Variants in GFPT1 observed in about 807,000 individuals in gnomAD.
GFPT1 encodes the protein glutamine--fructose-6-phosphate transaminase 1.
A neutral mutation model predicts 92.0 loss-of-function variants in GFPT1; 40 were observed. The ratio of observed to expected loss-of-function variants is 0.43; its 90% CI spans 0.34 to 0.57. GFPT1 has a LOEUF of 0.57. Among genes scored for constraint, GFPT1 ranks in the 20% least tolerant of loss-of-function variants. The pLI is 0.02. For synonymous variants in GFPT1, 269 were observed against 280.6 expected, an observed-to-expected ratio of 0.96 and a Z score of 0.41; for missense variants, 448 against 869.1, an observed-to-expected ratio of 0.52 and a Z score of 6.09.
chr2:69,387,069 CATG>C lies in GFPT1; in HGVS notation c.-1_2del. ...CCCCGCTCCCGGCCCCCTTACCACA[CATG>C]ATGCCGGAGACACGGCCCGCGAGGC... On this transcript the variant is annotated start_lost and start_retained_variant and 5_prime_UTR_variant, in exon 1 of 20. Transcript: ENST00000357308. The C allele has an allele frequency of 6.5e-7, 1 of 1,537,798 alleles. No individual in the cohort carries two copies. Among genetic ancestry groups the C allele is most frequent in the Non-Finnish European group, 8.7e-7 (1 of 1,146,456 alleles).
intron 13 of GFPT1, among the ~76,000 whole-genome samples, chr2:69,340,612 T>C (rs1442789334): frequency 1.3e-5 from 2 of 152,084 alleles, no homozygotes; most frequent in African/African-American, 4.8e-5. Context: ...TAAGAATGAT[T>C]AGAGTGTAGT....
At position 69,338,587 on chromosome 2, in the gene GFPT1, G is replaced by A. The variant is rs754717198; in HGVS notation, c.1204-22C>T. On this transcript the variant is annotated intron_variant, in intron 13 of 19. Transcript: ENST00000357308. The stretch of plus-strand genomic sequence containing the variant: ...GTGTCTGCAGAGAAAATATGACTTG[G>A]TCACAGAACTTTCCTTCAAATACTC... The A allele has an allele frequency of 3.1e-6, 5 of 1,613,164 alleles. No individual in the cohort carries two copies. In the East Asian group the frequency reaches 1.1e-4, roughly 36 times the overall value.
At chr2:69,349,643 T>C in intron 10 of GFPT1, among the ~76,000 whole-genome samples, 1 of 152,184 alleles carries the variant, frequency 6.6e-6, no homozygotes, top group East Asian at 1.9e-4. Context: ...TTTATAAAAA[T>C]GATTATGCTG....
rs1425063812 is a variant in GFPT1, at chr2:69,320,497, A to G, written c.*5692T>C. On this transcript the variant is annotated 3_prime_UTR_variant, in exon 20 of 20. Coordinates refer to ENST00000357308, the MANE Select transcript of GFPT1 (RefSeq NM_001244710.2). ...GGGTATACAATACCTGTCAAATTTG[A>G]TATGTCTGGGCAGGACACGGTGACT... is the stretch of plus-strand genomic sequence containing the variant. 1 of 152,226 alleles carries G rather than the reference A, an allele frequency of 6.6e-6. No individual in the cohort carries two copies. The highest frequency in any genetic ancestry group is 1.5e-5 in the Non-Finnish European group (1 of 68,070). 9.4% of individuals were successfully genotyped at this position (152,226 alleles called of 1,614,324 possible).
Position 69,387,131 on chromosome 2 carries a change from C to A in GFPT1, c.-60G>T. ...AGTGGCTGGCGGGATCGGGGGTGCA[C>A]ACACGAGCTTCGGTGGGCAATCTGC... On this transcript the variant is annotated 5_prime_UTR_variant, in exon 1 of 20. Transcript: ENST00000357308. 6.6e-7 allele frequency: 1 copy of A among 1,506,968 alleles called. No homozygotes were observed. The highest frequency in any genetic ancestry group is 1.8e-4 in the Middle Eastern group (1 of 5,616). The allele number at this position is 1,506,968 out of a possible 1,614,324, so 93.3% of individuals were successfully genotyped here. A position where few individuals can be genotyped will look rare whatever the true frequency, so the allele number is the denominator to read the frequency against.
chr2:69,376,102 G>A (rs1671864139), intron 1 of GFPT1, among the ~76,000 whole-genome samples: 1 of 152,130 alleles, frequency 6.6e-6, no homozygotes, highest in Non-Finnish European at 1.5e-5. Context: ...TTCACCTATG[G>A]GTCACTGATC....
rs1311078846 is a variant in GFPT1 at position 69,359,173 on chromosome 2, CAT to C, written c.408+93_408+94del. ...GTCCAAGAAATTAATTGATGACACA[CAT>C]ATGGTGTTTGTTGCACATCCCAACA... is the stretch of plus-strand genomic sequence containing the variant. On this transcript the variant is annotated intron_variant, in intron 5 of 19. Coordinates refer to ENST00000357308, the MANE Select transcript of GFPT1 (RefSeq NM_001244710.2). 23 of 771,138 alleles carry C rather than the reference CAT, an allele frequency of 3.0e-5. No individual in the cohort carries two copies. The Admixed American group carries it at 4.0e-4, about 13-fold the overall frequency. The allele number at this position is 771,138 out of a possible 1,614,324, so 47.8% of individuals were successfully genotyped here.
intron 10 of GFPT1, among the ~76,000 whole-genome samples, chr2:69,348,688 C>A (rs1029711623): frequency 6.6e-6 from 1 of 152,138 alleles, no homozygotes. Flanking sequence ...ATCAGCTCCT[C>A]GGGTGGACTA....
At chr2:69,387,039 ACGCCC>A in intron 1 of GFPT1, 21 bp downstream of exon 1, 1 of 1,515,310 alleles carries the variant, frequency 6.6e-7, no homozygotes, top group Non-Finnish European at 8.9e-7. Flanking sequence ...ACCCGGCAAC[ACGCCC>A]CCCGCTCCCG....
At chr2:69,338,341 T>A in intron 14 of GFPT1, 104 bp downstream of exon 14, 1 of 953,742 alleles carries the variant, frequency 1.0e-6, no homozygotes, top group Non-Finnish European at 1.7e-6. Flanking sequence ...CGTCAAGTCA[T>A]CTGCAATGCC....
At chr2:69,374,838 G>A (rs997879156) in intron 1 of GFPT1, among the ~76,000 whole-genome samples, 1 of 152,072 alleles carries the variant, frequency 6.6e-6, no homozygotes, top group Non-Finnish European at 1.5e-5. Flanking sequence ...TGCTATCAGT[G>A]ACATTTAGGA....
At chr2:69,326,586 T>C (rs929955633) in intron 19 of GFPT1, among the ~76,000 whole-genome samples, 9 of 152,306 alleles carry the variant, frequency 5.9e-5, no homozygotes, top group African/African-American at 1.4e-4. Context: ...AAGTCTTCAA[T>C]GTGTGGGACA....
At chr2:69,335,510 G>A (rs1464092638) in intron 15 of GFPT1, among the ~76,000 whole-genome samples, 1 of 152,088 alleles carries the variant, frequency 6.6e-6, no homozygotes, top group Non-Finnish European at 1.5e-5. Flanking sequence ...CATACACCAC[G>A]TTGTAGCCCT....
intron 12 of GFPT1, among the ~76,000 whole-genome samples, chr2:69,345,066 C>T (rs1481935859): frequency 1.3e-5 from 2 of 152,178 alleles, no homozygotes; most frequent in African/African-American, 4.8e-5. Flanking sequence ...GTTCTTCCAG[C>T]TCAACCATCT....
rs1446794500 is a variant in GFPT1 at position 69,324,092 on chromosome 2, G to GC, written c.*2096dup. On this transcript the variant is annotated 3_prime_UTR_variant, in exon 20 of 20. Transcript: ENST00000357308. ...AGTGGAGGCTGGTATTACAGGCTGA[G>GC]CCACTGCACCCGGCAGAGAATCCAT... 1.3e-5 allele frequency: 2 copies of GC among 152,210 alleles called. No homozygotes were observed. Among genetic ancestry groups the GC allele is most frequent in the African/African-American group, 4.8e-5 (2 of 41,420 alleles). 9.4% of individuals were successfully genotyped at this position (152,210 alleles called of 1,614,324 possible). A position where few individuals can be genotyped will look rare whatever the true frequency, so the allele number is the denominator to read the frequency against.
intron 12 of GFPT1, among the ~76,000 whole-genome samples, chr2:69,344,004 C>T (rs1408766720): frequency 6.6e-6 from 1 of 152,098 alleles, no homozygotes; most frequent in Non-Finnish European, 1.5e-5. Context: ...CTCACTCAGG[C>T]CACACCAGCC....
At chr2:69,327,682 T>C (rs1175129944) in intron 18 of GFPT1, among the ~76,000 whole-genome samples, 1 of 152,122 alleles carries the variant, frequency 6.6e-6, no homozygotes, top group Non-Finnish European at 1.5e-5. Context: ...TTAAATGTTT[T>C]AGAAGTATTA....
At position 69,323,739 on chromosome 2, in the gene GFPT1, G is replaced by C. The variant is rs1336509288; in HGVS notation, c.*2450C>G. On this transcript the variant is annotated 3_prime_UTR_variant, in exon 20 of 20. Coordinates refer to ENST00000357308, the MANE Select transcript of GFPT1 (RefSeq NM_001244710.2). ...TCGCCAGGCTGGAGTGTAGTGGCGTGATCTCGCCTCACTGCAACCTCCGCC... is the reference window on the plus strand; with the variant it reads ...TCGCCAGGCTGGAGTGTAGTGGCGTCATCTCGCCTCACTGCAACCTCCGCC... 6.7e-6 allele frequency: 1 copy of C among 150,102 alleles called. No individual in the cohort carries two copies. The highest frequency in any genetic ancestry group is 1.5e-5 in the Non-Finnish European group (1 of 67,964). The allele number at this position is 150,102 out of a possible 1,614,324, so 9.3% of individuals were successfully genotyped here.
chr2:69,386,777 A>C (rs1243567407), intron 1 of GFPT1, among the ~76,000 whole-genome samples: 1 of 152,140 alleles, frequency 6.6e-6, no homozygotes. Flanking sequence ...TTTTCAATAA[A>C]GGCGTTTCTC....
Sources: allele counts gnomAD v4.1 joint callset (sites outside exome capture counted in the v4.1 genomes callset), GRCh38; gene constraint gnomAD v4.1.1; transcripts MANE v1.5; gene names NCBI Gene and HGNC (gene_info 2026-07-23, HGNC 2026-07-21).